The following MROH2B variants were observed in gnomAD, a reference collection of about 807,000 sequenced individuals.
MROH2B encodes maestro heat-like repeat-containing protein family member 2B.
Under a neutral mutation model 208.6 loss-of-function variants are expected in MROH2B, and 177 were observed. That is an observed-to-expected ratio of 0.85 (90% CI 0.75 to 0.96). The LOEUF (loss-of-function observed/expected upper bound fraction) is 0.96, where lower values mean the gene tolerates loss of function less well. Ranked by LOEUF, MROH2B falls within the 40% of genes least tolerant of loss-of-function variation. MROH2B has a pLI of 0.00. For synonymous variants in MROH2B, 728 were observed against 659.0 expected (o/e 1.10, Z -1.60); for missense variants, 2,002 against 1,878.7 (o/e 1.07, Z -1.21).
At chr5:41,048,571 A>G (rs1743194087) in intron 15 of MROH2B, 106 bp from the exon 16 acceptor site, 1 of 1,231,974 alleles carries the variant, frequency 8.1e-7, no homozygotes. Context: ...TCTGCATTGG[A>G]TAATCTTTTA....
chr5:41,033,290 C>T, intron 22 of MROH2B, 130 bp from the exon 23 acceptor site: 2 of 1,307,416 alleles, frequency 1.5e-6, no homozygotes, highest in Non-Finnish European at 2.1e-6. Flanking sequence ...GCCATCTCTA[C>T]TCCAGACTAG....
At chr5:41,068,355 T>C (rs149469283) in intron 2 of MROH2B, among the ~76,000 whole-genome samples, 13 of 152,328 alleles carry the variant, frequency 8.5e-5, no homozygotes, top group South Asian at 2.1e-4. Flanking sequence ...GCCTTGTTCT[T>C]TGGCAAGGCT....
At chr5:41,014,735 C>CT (rs1741882638) in intron 29 of MROH2B, among the ~76,000 whole-genome samples, 1 of 152,170 alleles carries the variant, frequency 6.6e-6, no homozygotes, top group Admixed American at 6.5e-5. Context: ...GCCTGGAATT[C>CT]TTTTTTCCAG....
At chr5:41,019,686 C>T (rs1477321734) in intron 24 of MROH2B, among the ~76,000 whole-genome samples, 1 of 152,150 alleles carries the variant, frequency 6.6e-6, no homozygotes, top group African/African-American at 2.4e-5. Flanking sequence ...CATTAGTCAG[C>T]TACCAAATTA....
At chr5:41,006,638 T>A (rs191961776) in intron 34 of MROH2B, among the ~76,000 whole-genome samples, 1 of 152,224 alleles carries the variant, frequency 6.6e-6, no homozygotes, top group Non-Finnish European at 1.5e-5. Context: ...ATATATACCA[T>A]GGAATACTAC....
At chr5:41,000,890 G>A in intron 37 of MROH2B, 57 bp from the exon 38 acceptor site, 1 of 1,537,676 alleles carries the variant, frequency 6.5e-7, no homozygotes, top group Non-Finnish European at 8.8e-7. Flanking sequence ...TTCCCTGCTA[G>A]CACACTCTTG....
intron 10 of MROH2B, among the ~76,000 whole-genome samples, chr5:41,055,539 T>G (rs1579953905): frequency 6.7e-6 from 1 of 150,196 alleles, no homozygotes; most frequent in East Asian, 2.0e-4. Flanking sequence ...GGTGCATCCA[T>G]AAATGTTACG....
chr5:41,005,579 G>A lies in MROH2B; in HGVS notation c.3816C>T (p.Thr1272=). The A allele has an allele frequency of 6.2e-7, 1 of 1,611,412 alleles. No individual in the cohort carries two copies. The highest frequency in any genetic ancestry group is 8.5e-7 in the Non-Finnish European group (1 of 1,178,910). ...TTATCCGGTAGTTCTCCGAGGAGGA[G>A]GTAAGAGATGAGAGCAGCTGTTCCA... is the stretch of plus-strand genomic sequence containing the variant. ...DIMEQLLSSL[T]SSSENYRITG... Residue 1272 remains threonine (T), a synonymous_variant, in exon 35 of 42, where the codon ACC becomes ACT. Coordinates refer to ENST00000399564, the MANE Select transcript of MROH2B (RefSeq NM_173489.5).
chr5:41,037,681 C>T (rs1360183688), intron 21 of MROH2B, among the ~76,000 whole-genome samples: 5 of 152,160 alleles, frequency 3.3e-5, no homozygotes, highest in East Asian at 1.9e-4. Context: ...GAGTCCCTAA[C>T]GTCAAGGTGC....
chr5:41,063,746 C>A (rs1743711365), intron 5 of MROH2B, among the ~76,000 whole-genome samples: 1 of 152,170 alleles, frequency 6.6e-6, no homozygotes, highest in African/African-American at 2.4e-5. Context: ...GAGAGAAGGG[C>A]AGGGTCACCT....
At chr5:41,013,085 A>C (rs1196433406) in intron 29 of MROH2B, among the ~76,000 whole-genome samples, 1 of 152,252 alleles carries the variant, frequency 6.6e-6, no homozygotes, top group African/African-American at 2.4e-5. Context: ...CCTTTTACAA[A>C]CATTCATATA....
In MROH2B at chr5:40,999,889, C is replaced by A. The variant is rs1247088955; in HGVS notation, c.4483-110G>T. On this transcript the variant is annotated intron_variant, in intron 39 of 41. Coordinates refer to ENST00000399564, the MANE Select transcript of MROH2B (RefSeq NM_173489.5). ...TTGTAAAGGCCAGTGAGCACTCACACAGCCATAAATTAATTGGCTGAAAAT... is the reference window on the plus strand; with the variant it reads ...TTGTAAAGGCCAGTGAGCACTCACAAAGCCATAAATTAATTGGCTGAAAAT... 6.5e-6 allele frequency: 6 copies of A among 918,888 alleles called. No homozygotes were observed. In the East Asian group the frequency reaches 1.5e-4, roughly 23 times the overall value. 56.9% of individuals were successfully genotyped at this position (918,888 alleles called of 1,614,324 possible). A position where few individuals can be genotyped will look rare whatever the true frequency, so the allele number is the denominator to read the frequency against.
At chr5:41,038,398 T>C (rs1284788222) in intron 21 of MROH2B, among the ~76,000 whole-genome samples, 1 of 152,144 alleles carries the variant, frequency 6.6e-6, no homozygotes, top group Non-Finnish European at 1.5e-5. Context: ...CTCAGGGCTT[T>C]AGGAAAGAAA....
intron 9 of MROH2B, 106 bp downstream of exon 9, chr5:41,057,003 G>A: frequency 9.2e-7 from 1 of 1,084,036 alleles, no homozygotes; most frequent in Non-Finnish European, 1.4e-6. Flanking sequence ...GTGTGTGTTT[G>A]TGTGTGTGAA....
intron 28 of MROH2B, among the ~76,000 whole-genome samples, 181 bp from the exon 29 acceptor site, chr5:41,015,659 T>C (rs1741923144): frequency 6.6e-6 from 1 of 152,216 alleles, no homozygotes; most frequent in African/African-American, 2.4e-5. Context: ...CTGCATACAA[T>C]AATCTCATTT....
chr5:41,010,187 T>A, intron 30 of MROH2B, 108 bp from the exon 31 acceptor site: 1 of 1,000,190 alleles, frequency 1.0e-6, no homozygotes, highest in East Asian at 2.6e-5. Flanking sequence ...TTCTAAATAA[T>A]GTTAAAAATA....
intron 3 of MROH2B, among the ~76,000 whole-genome samples, chr5:41,066,764 A>G (rs1402137263): frequency 6.6e-6 from 1 of 152,212 alleles, no homozygotes; most frequent in Non-Finnish European, 1.5e-5. Context: ...GTAGGTACAT[A>G]AAGAAATAAG....
At chr5:41,032,698 G>A (rs1429461125) in intron 24 of MROH2B, 44 bp downstream of exon 24, 3 of 1,507,752 alleles carry the variant, frequency 2.0e-6, no homozygotes, top group Admixed American at 3.6e-5. Context: ...AGGAGGATAA[G>A]GGGGAAAATA....
chr5:41,040,047 G>A (rs1742894328), intron 19 of MROH2B, among the ~76,000 whole-genome samples: 1 of 152,182 alleles, frequency 6.6e-6, no homozygotes, highest in Non-Finnish European at 1.5e-5. Context: ...GGAGAGCAGT[G>A]CAAAATGAGT....
Sources: gnomAD v4.1 joint callset for allele counts (sites outside exome capture counted in the v4.1 genomes callset) on GRCh38, gnomAD v4.1.1 for gene constraint, MANE v1.5 for transcripts, NCBI Gene and HGNC (gene_info 2026-07-23, HGNC 2026-07-21) for gene names.